The following PAK5 variants were observed in gnomAD, a reference collection of about 807,000 sequenced individuals.
PAK5 encodes the protein serine/threonine-protein kinase PAK 5.
PAK5 carries 16 observed loss-of-function variants against 65.9 expected under a neutral mutation model. The observed-to-expected ratio is 0.24, with a 90% CI of 0.16 to 0.37. The LOEUF (loss-of-function observed/expected upper bound fraction) is 0.37. PAK5 is among the 10% of genes least tolerant of loss of function. The pLI is 1.00. For missense variants in PAK5, 785 were observed against 903.9 expected (o/e 0.87, Z 1.69); for synonymous variants, 371 against 354.9 (o/e 1.05, Z -0.51).
chr20:9,804,640 C>T (rs75091427), intron 1 of PAK5, among the ~76,000 whole-genome samples: 2,896 of 152,252 alleles, frequency 0.019, 40 homozygotes, highest in Admixed American at 0.028. Context: ...GGTAAATCTG[C>T]ATGACATCAA....
chr20:9,608,592 A>G (rs147955345), intron 3 of PAK5, among the ~76,000 whole-genome samples: 1,718 of 152,364 alleles, frequency 0.011, 33 homozygotes, highest in African/African-American at 0.038. Context: ...TCAAAATCAG[A>G]GGAAAAATAT....
chr20:9,596,486 A>G (rs2046268409), intron 3 of PAK5, among the ~76,000 whole-genome samples: 1 of 151,970 alleles, frequency 6.6e-6, no homozygotes, highest in South Asian at 2.1e-4. Context: ...AATACAAAAA[A>G]TTAGCCGGGC....
chr20:9,782,935 T>C (rs1287752121), intron 1 of PAK5, among the ~76,000 whole-genome samples: 1 of 150,012 alleles, frequency 6.7e-6, no homozygotes, highest in Non-Finnish European at 1.5e-5. Context: ...TTTTTTTTTT[T>C]TCTTTTTTTT....
chr20:9,761,436 T>C (rs2423468), intron 1 of PAK5, among the ~76,000 whole-genome samples: 59,966 of 152,064 alleles, frequency 0.39, 12,483 homozygotes, highest in East Asian at 0.57. Flanking sequence ...ATAATTCATA[T>C]TGGTAAAATG....
In PAK5 at chr20:9,623,005, C is replaced by T. The variant is rs1411355273; in HGVS notation, c.204+21120G>A. Among the ~76,000 whole-genome samples the T allele has an allele frequency of 2.0e-5, 3 of 152,088 alleles. No individual in the cohort carries two copies. The East Asian group carries it at 5.8e-4, about 29-fold the overall frequency. On this transcript the variant is annotated intron_variant, in intron 3 of 9. Transcript: ENST00000353224. ...TTGCTAAATAAGGGCTCTTAAAACA[C>T]AATATGCAGAAAATTCTAATAATAA...
In PAK5 at chr20:9,662,408, C is replaced by T. The variant is rs367623427; in HGVS notation, c.-11-18069G>A. ...GCTCCCCTTTCTGTAATCTGGAACT[C>T]ACCCTAGAAATTAGCTGCCCAGCTT... On this transcript the variant is annotated intron_variant, in intron 2 of 9. Coordinates refer to ENST00000353224, the MANE Select transcript of PAK5 (RefSeq NM_177990.4). 3.3e-5 allele frequency among the ~76,000 whole-genome samples: 5 copies of T among 152,280 alleles called. No individual in the cohort carries two copies. The East Asian group carries it at 5.8e-4, about 18-fold the overall frequency.
intron 2 of PAK5, among the ~76,000 whole-genome samples, chr20:9,683,783 A>C (rs1236084156): frequency 1.3e-5 from 2 of 151,976 alleles, no homozygotes; most frequent in African/African-American, 4.8e-5. Flanking sequence ...CAGTAGTGTG[A>C]TCATAGCTCA....
At chr20:9,668,650 G>C (rs983883923) in intron 2 of PAK5, among the ~76,000 whole-genome samples, 9 of 152,200 alleles carry the variant, frequency 5.9e-5, no homozygotes, top group Non-Finnish European at 1.3e-4. Flanking sequence ...CGACACTTTT[G>C]CATATTGGAG....
intron 2 of PAK5, among the ~76,000 whole-genome samples, chr20:9,668,764 C>T (rs934480372): frequency 1.4e-4 from 22 of 152,210 alleles, no homozygotes; most frequent in Admixed American, 1.2e-3. Context: ...CTCTGTTCTA[C>T]TGATAAATTT....
intron 1 of PAK5, among the ~76,000 whole-genome samples, chr20:9,743,405 CG>C (rs1308476575): frequency 5.3e-4 from 48 of 90,576 alleles, no homozygotes; most frequent in East Asian, 2.0e-3. Flanking sequence ...AAAAAACAAA[CG>C]AAACAAAACA....
intron 1 of PAK5, among the ~76,000 whole-genome samples, chr20:9,740,683 C>T (rs994444884): frequency 1.1e-4 from 16 of 152,272 alleles, no homozygotes; most frequent in African/African-American, 3.8e-4. Flanking sequence ...ATTCGAGTTG[C>T]CCCAGTCTTT....
chr20:9,706,610 C>A (rs964910917), intron 2 of PAK5, among the ~76,000 whole-genome samples: 3 of 151,844 alleles, frequency 2.0e-5, no homozygotes, highest in African/African-American at 7.3e-5. Flanking sequence ...TCCCCAGTAG[C>A]TGGAACCACA....
chr20:9,765,503 C>A (rs1437024159), intron 1 of PAK5, among the ~76,000 whole-genome samples: 4 of 151,780 alleles, frequency 2.6e-5, no homozygotes, highest in Non-Finnish European at 4.4e-5. Context: ...TAGCTATTTT[C>A]TGTGGCATTC....
chr20:9,561,881 G>T (rs1328436557), intron 6 of PAK5, among the ~76,000 whole-genome samples: 1 of 152,112 alleles, frequency 6.6e-6, no homozygotes. Context: ...TCCAAGTATG[G>T]TCCATGAACC....
In PAK5 at chr20:9,714,556, T is replaced by G. The variant is rs546280726; in HGVS notation, c.-161-3121A>C. Among the ~76,000 whole-genome samples, 8 of 152,272 alleles carry G rather than the reference T, an allele frequency of 5.3e-5. No individual in the cohort carries two copies. In the South Asian group the frequency reaches 1.4e-3, roughly 28 times the overall value. Reference sequence around the variant, plus strand: ...AAAGGTGTTGTGAAGATTTTCCAATTAAGTTTACCTCTCAATATTTTAAAA... The same window carrying G: ...AAAGGTGTTGTGAAGATTTTCCAATGAAGTTTACCTCTCAATATTTTAAAA... On this transcript the variant is annotated intron_variant, in intron 1 of 9. Transcript: ENST00000353224.
intron 1 of PAK5, among the ~76,000 whole-genome samples, chr20:9,800,658 G>T (rs1704815504): frequency 6.6e-6 from 1 of 152,032 alleles, no homozygotes; most frequent in Admixed American, 6.6e-5. Context: ...CTCCATGGCT[G>T]ACGAAATGAC....
chr20:9,815,180 G>A lies in PAK5; in HGVS notation c.-162+23582C>T, dbSNP rs201861671. On this transcript the variant is annotated intron_variant, in intron 1 of 9. Coordinates refer to ENST00000353224, the MANE Select transcript of PAK5 (RefSeq NM_177990.4). Reference sequence around the variant, plus strand: ...AAATTCATGAAGGATCCGCCCCCATGATCCAAACACTTCCTACCAGGCCCA... The same window carrying A: ...AAATTCATGAAGGATCCGCCCCCATAATCCAAACACTTCCTACCAGGCCCA... Among the ~76,000 whole-genome samples the A allele has an allele frequency of 9.2e-5, 14 of 152,246 alleles. No individual in the cohort carries two copies. The East Asian group carries it at 2.3e-3, about 25-fold the overall frequency.
chr20:9,545,484 G>A (rs2045330403), intron 7 of PAK5, among the ~76,000 whole-genome samples: 1 of 152,150 alleles, frequency 6.6e-6, no homozygotes, highest in African/African-American at 2.4e-5. Flanking sequence ...ACCACTTGAA[G>A]TGAAAAAATT....
chr20:9,576,805 T>G (rs977215226), intron 4 of PAK5, among the ~76,000 whole-genome samples: 1 of 152,178 alleles, frequency 6.6e-6, no homozygotes, highest in Non-Finnish European at 1.5e-5. Context: ...CATTTCCTCA[T>G]CTGTACAAAG....
Sources: allele counts gnomAD v4.1 joint callset (sites outside exome capture counted in the v4.1 genomes callset), GRCh38; gene constraint gnomAD v4.1.1; transcripts MANE v1.5; gene names NCBI Gene and HGNC (gene_info 2026-07-23, HGNC 2026-07-21).